The following CCSER1 variants were observed in gnomAD, a reference collection of about 807,000 sequenced individuals.
The protein encoded by CCSER1 is coiled-coil serine rich protein 1, also known as serine-rich coiled-coil domain-containing protein 1.
Under a neutral mutation model 82.0 loss-of-function variants are expected in CCSER1, and 41 were observed. That is an observed-to-expected ratio of 0.50 (90% CI 0.39 to 0.65). The LOEUF is 0.65. CCSER1 is among the 30% of genes least tolerant of loss of function. The pLI is 0.00. For synonymous variants in CCSER1, 414 were observed against 383.9 expected (o/e 1.08, Z -0.92); for missense variants, 1,119 against 1,064.2 (o/e 1.05, Z -0.72).
At chr4:91,078,569 C>T (rs373946678) in intron 9 of CCSER1, among the ~76,000 whole-genome samples, 1 of 152,216 alleles carries the variant, frequency 6.6e-6, no homozygotes, top group African/African-American at 2.4e-5. Flanking sequence ...CAAAGCTGGA[C>T]AGAGAATGAC....
At chr4:91,144,835 G>A (rs1197598665) in intron 10 of CCSER1, among the ~76,000 whole-genome samples, 2 of 151,828 alleles carry the variant, frequency 1.3e-5, no homozygotes, top group Non-Finnish European at 2.9e-5. Context: ...ATGCTTGATA[G>A]GATTTTGATT....
intron 9 of CCSER1, among the ~76,000 whole-genome samples, chr4:91,059,751 A>G (rs1257897590): frequency 1.3e-5 from 2 of 152,006 alleles, no homozygotes; most frequent in Non-Finnish European, 2.9e-5. Flanking sequence ...AATTCCACCT[A>G]GCATGAGTCT....
intron 1 of CCSER1, among the ~76,000 whole-genome samples, chr4:90,301,856 T>A (rs1249641979): frequency 6.6e-6 from 1 of 152,124 alleles, no homozygotes; most frequent in Non-Finnish European, 1.5e-5. Context: ...GAAATAAAAT[T>A]AGCAGTTATG....
intron 10 of CCSER1, among the ~76,000 whole-genome samples, chr4:91,150,771 T>G (rs1730097998): frequency 6.6e-6 from 1 of 152,200 alleles, no homozygotes; most frequent in Non-Finnish European, 1.5e-5. Context: ...ATGGATTACA[T>G]TTATTGATTT....
At chr4:91,041,792 A>G (rs1433142501) in intron 9 of CCSER1, among the ~76,000 whole-genome samples, 1 of 152,182 alleles carries the variant, frequency 6.6e-6, no homozygotes, top group Non-Finnish European at 1.5e-5. Context: ...CATGAATTAT[A>G]ATGCTGCCAA....
intron 3 of CCSER1, among the ~76,000 whole-genome samples, chr4:90,329,899 T>C (rs938294662): frequency 6.6e-6 from 1 of 152,186 alleles, no homozygotes; most frequent in African/African-American, 2.4e-5. Flanking sequence ...TAGACATTTA[T>C]GTGACTACTT....
intron 10 of CCSER1, among the ~76,000 whole-genome samples, chr4:91,379,555 A>G (rs1489250078): frequency 2.0e-5 from 3 of 151,726 alleles, no homozygotes; most frequent in Non-Finnish European, 2.9e-5. Flanking sequence ...TGTTTCTAGT[A>G]CTCTCTGATG....
intron 9 of CCSER1, among the ~76,000 whole-genome samples, chr4:91,050,887 C>G (rs1042581301): frequency 6.6e-6 from 1 of 152,160 alleles, no homozygotes; most frequent in African/African-American, 2.4e-5. Context: ...TGAAAACAGA[C>G]AAGAAATTTG....
At chr4:90,816,465 G>A (rs1041029774) in intron 8 of CCSER1, among the ~76,000 whole-genome samples, 2 of 151,852 alleles carry the variant, frequency 1.3e-5, no homozygotes, top group African/African-American at 4.8e-5. Context: ...ACAGAGCAGT[G>A]GGCATTATTT....
At chr4:90,855,731 A>G (rs1041420031) in intron 8 of CCSER1, among the ~76,000 whole-genome samples, 2 of 152,146 alleles carry the variant, frequency 1.3e-5, no homozygotes, top group Admixed American at 1.3e-4. Context: ...TTAGATGACT[A>G]TTTACTAACT....
intron 10 of CCSER1, among the ~76,000 whole-genome samples, chr4:91,186,379 T>A (rs551283618): frequency 6.6e-6 from 1 of 152,278 alleles, no homozygotes; most frequent in South Asian, 2.1e-4. Context: ...AACCTGATGC[T>A]TCCGAGCTCC....
At chr4:90,957,534 A>AT (rs1561417825) in intron 9 of CCSER1, among the ~76,000 whole-genome samples, 2 of 123,006 alleles carry the variant, frequency 1.6e-5, no homozygotes, top group Non-Finnish European at 3.2e-5. Flanking sequence ...CATATATTAT[A>AT]TATATTATAT....
At chr4:90,820,011 A>G (rs1271684618) in intron 8 of CCSER1, among the ~76,000 whole-genome samples, 3 of 152,232 alleles carry the variant, frequency 2.0e-5, no homozygotes, top group African/African-American at 7.2e-5. Flanking sequence ...AGCATGGAAC[A>G]TCTACTCCCA....
chr4:90,610,019 A>G (rs932560021), intron 5 of CCSER1, among the ~76,000 whole-genome samples: 5 of 152,072 alleles, frequency 3.3e-5, no homozygotes, highest in Admixed American at 1.3e-4. Flanking sequence ...TTGGGAGGCC[A>G]AGGCCGGTGG....
intron 9 of CCSER1, among the ~76,000 whole-genome samples, chr4:91,065,371 A>G (rs1232984547): frequency 2.0e-5 from 3 of 152,168 alleles, no homozygotes; most frequent in Admixed American, 2.0e-4. Flanking sequence ...ACAGTGATGT[A>G]CATTATTGTA....
chr4:90,921,743 C>A (rs925702160), intron 8 of CCSER1, among the ~76,000 whole-genome samples: 1 of 152,016 alleles, frequency 6.6e-6, no homozygotes. Context: ...TACATGAGTG[C>A]ATAGACTCTA....
chr4:90,875,859 T>C (rs1426169686), intron 8 of CCSER1, among the ~76,000 whole-genome samples: 1 of 152,198 alleles, frequency 6.6e-6, no homozygotes, highest in African/African-American at 2.4e-5. Flanking sequence ...CTGCAGAATA[T>C]AGTTAAATGG....
At chr4:91,289,039 A>G (rs1201251608) in intron 10 of CCSER1, among the ~76,000 whole-genome samples, 1 of 152,072 alleles carries the variant, frequency 6.6e-6, no homozygotes, top group Non-Finnish European at 1.5e-5. Flanking sequence ...AACACAGTGC[A>G]AAGGAGAGAC....
At chr4:90,983,034 C>G (rs1490583932) in intron 9 of CCSER1, among the ~76,000 whole-genome samples, 1 of 151,770 alleles carries the variant, frequency 6.6e-6, no homozygotes, top group Non-Finnish European at 1.5e-5. Flanking sequence ...TTCTCATTTA[C>G]CAGTCAGCAG....
Sources: allele counts gnomAD v4.1 joint callset (sites outside exome capture counted in the v4.1 genomes callset), GRCh38; gene constraint gnomAD v4.1.1; transcripts MANE v1.5; gene names NCBI Gene and HGNC (gene_info 2026-07-23, HGNC 2026-07-21).